The following CWF19L2 variants were observed in gnomAD, a reference collection of about 807,000 sequenced individuals.
CWF19L2 encodes CWF19-like protein 2.
CWF19L2 carries 98 observed loss-of-function variants against 111.7 expected under a neutral mutation model. That is an observed-to-expected ratio of 0.88 (90% CI 0.75 to 1.04). The LOEUF is 1.04. Among genes scored for constraint, CWF19L2 ranks in the 50% least tolerant of loss-of-function variants. The probability of loss-of-function intolerance (pLI) is 0.00; values close to 1 mark genes in which losing one functional copy is unlikely to be tolerated. For synonymous variants in CWF19L2, 351 were observed against 342.9 expected (o/e 1.02, Z -0.26); for missense variants, 1,101 against 1,051.4 (o/e 1.05, Z -0.65).
At chr11:107,422,063 A>G (rs1024055884) in intron 8 of CWF19L2, among the ~76,000 whole-genome samples, 1 of 152,096 alleles carries the variant, frequency 6.6e-6, no homozygotes, top group Admixed American at 6.6e-5. Flanking sequence ...GCAACAACAT[A>G]AATGAAGCTC....
chr11:107,450,796 C>G (rs913265965), intron 3 of CWF19L2, among the ~76,000 whole-genome samples: 1 of 152,128 alleles, frequency 6.6e-6, no homozygotes. Flanking sequence ...AACTTCGTAA[C>G]AACAGTCAGT....
chr11:107,336,598 A>G lies in CWF19L2; in HGVS notation c.2318T>C (p.Leu773Pro). 6.2e-7 allele frequency: 1 copy of G among 1,604,482 alleles called. No individual in the cohort carries two copies. The highest frequency in any genetic ancestry group is 8.5e-7 in the Non-Finnish European group (1 of 1,176,938). ...QYHMVYECIP[L>P]PKEVGDMAPI... ...AGCCATGTCACCCACTTCCTTGGGAAGAGGAATACATTCATAAACCATGTG... is the reference window on the plus strand; with the variant it reads ...AGCCATGTCACCCACTTCCTTGGGAGGAGGAATACATTCATAAACCATGTG... The change falls in exon 15 of 18, where the codon CTT becomes CCT. Residue 773 changes from leucine to proline, a missense_variant. Transcript: ENST00000282251.
chr11:107,423,237 A>G (rs1861326272), intron 8 of CWF19L2, among the ~76,000 whole-genome samples: 1 of 151,970 alleles, frequency 6.6e-6, no homozygotes, highest in East Asian at 1.9e-4. Context: ...CAAACTAATC[A>G]TATCTCTCTT....
At chr11:107,422,733 A>T (rs555179868) in intron 8 of CWF19L2, among the ~76,000 whole-genome samples, 37 of 152,156 alleles carry the variant, frequency 2.4e-4, no homozygotes, top group African/African-American at 7.9e-4. Context: ...AACCTTAATC[A>T]TATTTTCTAC....
chr11:107,350,910 A>C (rs1409626735), intron 13 of CWF19L2, among the ~76,000 whole-genome samples: 1 of 152,124 alleles, frequency 6.6e-6, no homozygotes, highest in Non-Finnish European at 1.5e-5. Context: ...ATGCATACCA[A>C]GTGTGCTCTC....
At chr11:107,408,407 A>G (rs1861111323) in intron 10 of CWF19L2, among the ~76,000 whole-genome samples, 1 of 152,010 alleles carries the variant, frequency 6.6e-6, no homozygotes. Flanking sequence ...TGTGGTAGAT[A>G]TAAAAAACAA....
intron 12 of CWF19L2, among the ~76,000 whole-genome samples, chr11:107,360,582 AC>A (rs1363116339): frequency 6.6e-6 from 1 of 152,206 alleles, no homozygotes; most frequent in African/African-American, 2.4e-5. Flanking sequence ...TAGAGGCCGT[AC>A]CAATTTACAT....
intron 13 of CWF19L2, among the ~76,000 whole-genome samples, chr11:107,350,833 T>C (rs2134543575): frequency 6.6e-6 from 1 of 151,998 alleles, no homozygotes; most frequent in African/African-American, 2.4e-5. Context: ...TTTGAGAAGA[T>C]ATGTGAAGGA....
At chr11:107,389,802 T>G (rs140032490) in intron 12 of CWF19L2, among the ~76,000 whole-genome samples, 1,751 of 152,262 alleles carry the variant, frequency 0.011, 19 homozygotes, top group Non-Finnish European at 0.019. Flanking sequence ...CATTTTCTCT[T>G]AAATGGTAGA....
chr11:107,337,904 G>C (rs893985161), intron 14 of CWF19L2, among the ~76,000 whole-genome samples: 1 of 151,150 alleles, frequency 6.6e-6, no homozygotes, highest in African/African-American at 2.4e-5. Flanking sequence ...ATAATACAGA[G>C]AGATCCCATG....
At chr11:107,390,718 G>A (rs1860834757) in intron 11 of CWF19L2, among the ~76,000 whole-genome samples, 1 of 152,230 alleles carries the variant, frequency 6.6e-6, no homozygotes, top group African/African-American at 2.4e-5. Context: ...ACTGGGCTAT[G>A]AGCATGAAGT....
At chr11:107,343,092 C>A (rs532967886) in intron 14 of CWF19L2, among the ~76,000 whole-genome samples, 14 of 152,254 alleles carry the variant, frequency 9.2e-5, no homozygotes, top group Admixed American at 9.2e-4. Flanking sequence ...TTTTAAGGCA[C>A]CATCTCTGTG....
Position 107,354,086 on chromosome 11 carries a change from T to C in CWF19L2, c.1873-350A>G, listed in dbSNP as rs137979434. ...ACTTTAAAAATTCACATATACACTA[T>C]ATAGAATGTGGAACTTTTTTTTTTT... On this transcript the variant is annotated intron_variant, in intron 12 of 17. Transcript: ENST00000282251. 4.0e-5 allele frequency among the ~76,000 whole-genome samples: 6 copies of C among 150,358 alleles called. No individual in the cohort carries two copies. The East Asian group carries it at 1.2e-3, about 29-fold the overall frequency.
chr11:107,430,150 T>A (rs759910444), intron 7 of CWF19L2, among the ~76,000 whole-genome samples: 2 of 146,314 alleles, frequency 1.4e-5, no homozygotes, highest in African/African-American at 2.5e-5. Flanking sequence ...TAGCCTTGGG[T>A]GGGGGAGAAA....
At chr11:107,363,040 A>G (rs1860381051) in intron 12 of CWF19L2, among the ~76,000 whole-genome samples, 1 of 152,196 alleles carries the variant, frequency 6.6e-6, no homozygotes, top group Non-Finnish European at 1.5e-5. Flanking sequence ...AAGCCTCAGG[A>G]GCTGATGAGA....
In CWF19L2 at chr11:107,402,873, G is replaced by GTGTGTATA. The variant is rs1247886311; in HGVS notation, c.1618-9979_1618-9978insTATACACA. 3.8e-3 allele frequency among the ~76,000 whole-genome samples: 359 copies of GTGTGTATA among 94,414 alleles called. 11 individuals are homozygous for GTGTGTATA. Among genetic ancestry groups the GTGTGTATA allele is most frequent in the Non-Finnish European group, 5.7e-3 (280 of 49,424 alleles). The allele number at this position is 94,414 out of a possible 152,430, so 61.9% of individuals were successfully genotyped here. A position where few individuals can be genotyped will look rare whatever the true frequency, so the allele number is the denominator to read the frequency against. On this transcript the variant is annotated intron_variant, in intron 10 of 17. Transcript: ENST00000282251. ...CGAGTGGATAAACAAACTGTGGTGT[G>GTGTGTATA]TATATATATATATATATATATATAT...
At chr11:107,362,505 G>A (rs1247854418) in intron 12 of CWF19L2, among the ~76,000 whole-genome samples, 1 of 152,114 alleles carries the variant, frequency 6.6e-6, no homozygotes, top group Non-Finnish European at 1.5e-5. Flanking sequence ...TCCTCAAGTG[G>A]GTCCCTGACC....
chr11:107,372,889 C>G (rs1256009912), intron 12 of CWF19L2, among the ~76,000 whole-genome samples: 1 of 129,542 alleles, frequency 7.7e-6, no homozygotes, highest in East Asian at 2.3e-4. Context: ...GAGTGCCAGA[C>G]AGTGGGCGCA....
intron 14 of CWF19L2, among the ~76,000 whole-genome samples, chr11:107,344,371 T>G (rs1412994555): frequency 6.6e-6 from 1 of 152,234 alleles, no homozygotes; most frequent in East Asian, 1.9e-4. Flanking sequence ...TCCTTTCTGT[T>G]TAAAGAACTT....
Sources: allele counts gnomAD v4.1 joint callset (sites outside exome capture counted in the v4.1 genomes callset), GRCh38; gene constraint gnomAD v4.1.1; transcripts MANE v1.5; gene names NCBI Gene and HGNC (gene_info 2026-07-23, HGNC 2026-07-21).